Variants in AOPEP observed in about 807,000 individuals in gnomAD.
The protein encoded by AOPEP is aminopeptidase O.
In AOPEP, 77 loss-of-function variants were observed where a neutral mutation model predicts 98.1. The observed-to-expected ratio is 0.78, with a 90% confidence interval of 0.65 to 0.95. AOPEP has a LOEUF of 0.95. Among genes scored for constraint, AOPEP ranks in the 40% least tolerant of loss-of-function variants. The probability of loss-of-function intolerance (pLI) is 0.00; values close to 1 mark genes in which losing one functional copy is unlikely to be tolerated. For missense variants in AOPEP, 1,024 were observed against 1,024.7 expected, an observed-to-expected ratio of 1.00 and a Z score of 0.01; for synonymous variants, 346 against 365.3, an observed-to-expected ratio of 0.95 and a Z score of 0.60.
intron 13 of AOPEP, among the ~76,000 whole-genome samples, chr9:95,021,079 A>C (rs560954397): frequency 6.6e-6 from 1 of 152,094 alleles, no homozygotes; most frequent in Non-Finnish European, 1.5e-5. Context: ...GCTGATTTTC[A>C]TGTTTATATA....
rs376919126 is a variant in AOPEP at position 94,974,522 on chromosome 9, C to T, written c.1917-4845C>T. On this transcript the variant is annotated intron_variant, in intron 10 of 16. Coordinates refer to ENST00000375315, the MANE Select transcript of AOPEP (RefSeq NM_001193329.3). ...ACGTTCTCTTCATTCACGGAGAGGG[C>T]CTTTTGCCTCTGGATGCAGCTCACT... is the stretch of plus-strand genomic sequence containing the variant. Among the ~76,000 whole-genome samples the T allele has an allele frequency of 3.3e-5, 5 of 152,326 alleles. 1 individual carries two copies. Among genetic ancestry groups the T allele is most frequent in the African/African-American group, 1.2e-4 (5 of 41,574 alleles).
At chr9:94,927,269 C>T (rs1317237231) in intron 6 of AOPEP, among the ~76,000 whole-genome samples, 1 of 152,186 alleles carries the variant, frequency 6.6e-6, no homozygotes, top group Non-Finnish European at 1.5e-5. Context: ...CCTTAATGAC[C>T]TCCTTGAAAG....
intron 14 of AOPEP, among the ~76,000 whole-genome samples, chr9:95,069,431 A>G (rs1329921169): frequency 1.3e-5 from 2 of 152,212 alleles, no homozygotes; most frequent in Non-Finnish European, 2.9e-5. Context: ...ATTATTTTCT[A>G]ATTTCAGAAT....
chr9:94,756,480 C>T (rs77820587), intron 1 of AOPEP, among the ~76,000 whole-genome samples: 13,469 of 152,102 alleles, frequency 0.089, 712 homozygotes, highest in African/African-American at 0.13. Context: ...AGGAGGATCG[C>T]TTGAGCCCGC....
intron 5 of AOPEP, among the ~76,000 whole-genome samples, chr9:94,900,254 A>G (rs1485811554): frequency 6.6e-6 from 1 of 152,258 alleles, no homozygotes; most frequent in African/African-American, 2.4e-5. Context: ...TCTAGCAACC[A>G]AATTCTGTGA....
chr9:95,016,110 T>C (rs968859907), intron 13 of AOPEP, among the ~76,000 whole-genome samples: 1 of 151,660 alleles, frequency 6.6e-6, no homozygotes, highest in Admixed American at 6.6e-5. Flanking sequence ...CACTCTTTTT[T>C]CCTTTTACTT....
intron 4 of AOPEP, among the ~76,000 whole-genome samples, chr9:94,798,664 G>A (rs1847567677): frequency 6.6e-6 from 1 of 152,196 alleles, no homozygotes; most frequent in Non-Finnish European, 1.5e-5. Context: ...GCACACTCCA[G>A]TTTCTCTGTG....
intron 1 of AOPEP, among the ~76,000 whole-genome samples, chr9:94,728,562 A>C (rs1829807696): frequency 6.6e-6 from 1 of 152,176 alleles, no homozygotes; most frequent in Non-Finnish European, 1.5e-5. Context: ...TTAGAGGGAG[A>C]TGTGGACTTA....
chr9:95,147,837 C>T, the AOPEP span, among the ~76,000 whole-genome samples: 1 of 152,194 alleles, frequency 6.6e-6, no homozygotes, highest in African/African-American at 2.4e-5. Flanking sequence ...TTCTGCCTTA[C>T]AATAGAATCT....
chr9:94,883,396 G>C (rs2047822482), intron 5 of AOPEP, among the ~76,000 whole-genome samples: 1 of 152,160 alleles, frequency 6.6e-6, no homozygotes, highest in Admixed American at 6.5e-5. Flanking sequence ...AAAAGAAAAA[G>C]GAAAATGAGG....
At chr9:94,895,229 T>TA (rs1486733465) in intron 5 of AOPEP, among the ~76,000 whole-genome samples, 1,100 of 25,246 alleles carry the variant, frequency 0.044, 18 homozygotes, top group African/African-American at 0.077. Context: ...TAAAAAAAAA[T>TA]AAAATAAAAT....
intron 1 of AOPEP, among the ~76,000 whole-genome samples, chr9:94,729,468 A>G (rs2131625510): frequency 6.6e-6 from 1 of 151,272 alleles, no homozygotes; most frequent in African/African-American, 2.4e-5. Flanking sequence ...TACTTGGGGG[A>G]GGCTGAGATG....
At chr9:95,048,651 C>T (rs1756351452) in intron 13 of AOPEP, 1 of 152,212 alleles carries the variant, frequency 6.6e-6, no homozygotes, top group African/African-American at 2.4e-5. Context: ...CCAGGTGACA[C>T]GCAGGGACGG....
At position 94,903,635 on chromosome 9, in the gene AOPEP, A is replaced by AC. The variant is rs914283140; in HGVS notation, c.1365-20351_1365-20350insC. Among the ~76,000 whole-genome samples, 11 of 151,414 alleles carry AC rather than the reference A, an allele frequency of 7.3e-5. No homozygotes were observed. The East Asian group carries it at 1.2e-3, about 16-fold the overall frequency. On this transcript the variant is annotated intron_variant, in intron 5 of 16. Coordinates refer to ENST00000375315, the MANE Select transcript of AOPEP (RefSeq NM_001193329.3). ...AAGACTCCATCTCTAAAAAAAAAAA[A>AC]AAAACAGTTTTCAAGTTTGCCTGGG...
downstream of AOPEP, among the ~76,000 whole-genome samples, chr9:95,088,113 A>G (rs1233393451): frequency 1.3e-5 from 2 of 152,254 alleles, no homozygotes; most frequent in East Asian, 3.9e-4. Context: ...GATGGCTCAG[A>G]ACTTGACTGT....
At chr9:94,772,556 AT>A (rs1841127848) in intron 2 of AOPEP, among the ~76,000 whole-genome samples, 1 of 152,132 alleles carries the variant, frequency 6.6e-6, no homozygotes. Context: ...CCAGCCCTGG[AT>A]TTGAGACCAC....
chr9:94,887,207 G>C (rs2048342349), intron 5 of AOPEP, among the ~76,000 whole-genome samples: 1 of 152,000 alleles, frequency 6.6e-6, no homozygotes, highest in South Asian at 2.1e-4. Context: ...AATTAGTCAA[G>C]TATGGTGGCA....
intron 1 of AOPEP, among the ~76,000 whole-genome samples, chr9:94,732,260 T>TA (rs750993753): frequency 6.6e-6 from 1 of 151,648 alleles, no homozygotes; most frequent in African/African-American, 2.4e-5. Flanking sequence ...TTTTTTTTTT[T>TA]ACCTTATCTT....
At chr9:95,120,148 A>G in the AOPEP span, among the ~76,000 whole-genome samples, 1 of 152,188 alleles carries the variant, frequency 6.6e-6, no homozygotes, top group Non-Finnish European at 1.5e-5. Flanking sequence ...TCTTTCTAAC[A>G]TTTCTGTTGA....
Sources: allele counts gnomAD v4.1 joint callset (sites outside exome capture counted in the v4.1 genomes callset), GRCh38; gene constraint gnomAD v4.1.1; transcripts MANE v1.5; gene names NCBI Gene and HGNC (gene_info 2026-07-23, HGNC 2026-07-21).